ARHGEF1: variants seen among roughly 807,000 people sequenced by gnomAD.
The protein encoded by ARHGEF1 is Rho guanine nucleotide exchange factor 1.
ARHGEF1 carries 40 observed loss-of-function variants against 119.7 expected under a neutral mutation model. That is an observed-to-expected ratio of 0.33 (90% CI 0.26 to 0.44). The LOEUF is 0.44. Among genes scored for constraint, ARHGEF1 ranks in the 20% least tolerant of loss-of-function variants. ARHGEF1 has a pLI of 1.00. For missense variants in ARHGEF1, 976 were observed against 1,268.3 expected (o/e 0.77, Z 3.50); for synonymous variants, 494 against 521.0 (o/e 0.95, Z 0.71).
At chr19:41,890,982 G>A (rs2074368019) in intron 4 of ARHGEF1, among the ~76,000 whole-genome samples, 1 of 152,132 alleles carries the variant, frequency 6.6e-6, no homozygotes, top group Non-Finnish European at 1.5e-5. Flanking sequence ...TCCCAGATGA[G>A]AGCCCCCAGG....
rs1555849942 is a variant in ARHGEF1 at position 41,905,501 on chromosome 19, GTGCA to G, written c.2336+244_2336+247del. On this transcript the variant is annotated intron_variant, in intron 24 of 28. Coordinates refer to ENST00000354532, the MANE Select transcript of ARHGEF1 (RefSeq NM_004706.4). The surrounding 1 kb of genome is among the most constrained non-coding windows in gnomAD (Gnocchi z 6.4). ...GTATGGTGTGTGTGTATGCATATGT[GTGCA>G]TGCGTGTGACAGCATGTGCATGCAT... The G allele has an allele frequency of 1.6e-6, 1 of 612,080 alleles. No homozygotes were observed. Among genetic ancestry groups the G allele is most frequent in the Admixed American group, 2.9e-5 (1 of 34,084 alleles). 37.9% of individuals were successfully genotyped at this position (612,080 alleles called of 1,614,324 possible).
chr19:41,912,458 CGTCT>C (rs1555851348), intron 18 of ARHGEF1, among the ~76,000 whole-genome samples: 1 of 152,208 alleles, frequency 6.6e-6, no homozygotes, highest in Non-Finnish European at 1.5e-5. Flanking sequence ...TGGGCAGTGC[CGTCT>C]GTCTACCTGT....
At position 41,906,785 on chromosome 19, in the gene ARHGEF1, G is replaced by GCCTCCCC; in HGVS notation, c.2738_2739insCCTCCCC (p.Ter913CysfsTer112). ...TCTGTCCCCCAGCCTGGCTGCACTT[G>GCCTCCCC]AGGTTCCCGCCCAGGAAGGTGAGTG... On this transcript the variant is annotated frameshift_variant and stop_lost, in exon 28 of 29. Coordinates refer to ENST00000354532, the MANE Select transcript of ARHGEF1 (RefSeq NM_004706.4). LOFTEE classifies it high-confidence loss of function. This position sits in a 1 kb window ranked among gnomAD's most constrained non-coding sequence, Gnocchi z 4.5. The GCCTCCCC allele has an allele frequency of 6.2e-7, 1 of 1,610,524 alleles. No homozygotes were observed. The highest frequency in any genetic ancestry group is 8.5e-7 in the Non-Finnish European group (1 of 1,178,462).
exon 3 of ARHGEF1, chr19:41,930,105 G>A (rs549936745): frequency 2.6e-5 from 4 of 152,346 alleles, no homozygotes; most frequent in South Asian, 2.1e-4. Context: ...TGCTGCTTCC[G>A]AATAATCTCA....
chr19:41,924,917 C>G (rs1555853093), intron 1 of ARHGEF1, among the ~76,000 whole-genome samples: 1 of 152,058 alleles, frequency 6.6e-6, no homozygotes, highest in Admixed American at 6.5e-5. Context: ...GCTGCAGGGA[C>G]AGGTATCAAA....
Position 41,903,820 on chromosome 19 carries a change from ACTC to A in ARHGEF1, c.1917+39_1917+41del, listed in dbSNP as rs1555849542. The A allele has an allele frequency of 6.3e-7, 1 of 1,581,240 alleles. No homozygotes were observed. The highest frequency in any genetic ancestry group is 1.1e-5 in the South Asian group (1 of 90,128). On this transcript the variant is annotated intron_variant, in intron 20 of 28. Coordinates refer to ENST00000354532, the MANE Select transcript of ARHGEF1 (RefSeq NM_004706.4). The surrounding 1 kb of genome is among the most constrained non-coding windows in gnomAD (Gnocchi z 4.2). ...ACCCTCCTGCCTCCCCCGCCCCCCT[ACTC>A]CTTGGCCCAGGGGATTCTGTGATAC...
At chr19:41,897,054 G>A in intron 13 of ARHGEF1, 1 of 418,852 alleles carries the variant, frequency 2.4e-6, no homozygotes, top group South Asian at 1.6e-5. Flanking sequence ...CATTTTTTCA[G>A]CCCTTCCTCC....
chr19:41,903,031 C>G lies in ARHGEF1; in HGVS notation c.1738+133C>G. 2.6e-6 allele frequency: 2 copies of G among 775,570 alleles called. No individual in the cohort carries two copies. The highest frequency in any genetic ancestry group is 4.0e-6 in the Non-Finnish European group (2 of 495,596). The allele number at this position is 775,570 out of a possible 1,614,324, so 48.0% of individuals were successfully genotyped here. A position where few individuals can be genotyped will look rare whatever the true frequency, so the allele number is the denominator to read the frequency against. ...CCTCCCAGGATCTACCATCCTCCCA[C>G]CTCAGCTCCCCAAGTAGCTGGGACC... On this transcript the variant is annotated intron_variant, in intron 18 of 28. Coordinates refer to ENST00000354532, the MANE Select transcript of ARHGEF1 (RefSeq NM_004706.4). This position sits in a 1 kb window ranked among gnomAD's most constrained non-coding sequence, Gnocchi z 4.2.
At position 41,907,153 on chromosome 19, in the gene ARHGEF1, C is replaced by T; in HGVS notation, c.*66C>T. The T allele has an allele frequency of 6.5e-7, 1 of 1,531,796 alleles. No homozygotes were observed. Among genetic ancestry groups the T allele is most frequent in the Non-Finnish European group, 8.7e-7 (1 of 1,144,922 alleles). The allele number at this position is 1,531,796 out of a possible 1,614,324, so 94.9% of individuals were successfully genotyped here. ...TGGGGGAGAGGACGTGAGGGACCACCCCCACCCACACAGCTGCCGCAGCAT... is the reference window on the plus strand; with the variant it reads ...TGGGGGAGAGGACGTGAGGGACCACTCCCACCCACACAGCTGCCGCAGCAT... On this transcript the variant is annotated 3_prime_UTR_variant, in exon 29 of 29. Transcript: ENST00000354532.
intron 1 of ARHGEF1, chr19:41,884,579 C>G (rs2074265419): frequency 6.5e-7 from 1 of 1,541,838 alleles, no homozygotes; most frequent in Non-Finnish European, 8.8e-7. Flanking sequence ...TGCCACGTCC[C>G]CCGTAGGATT....
intron 1 of ARHGEF1, chr19:41,928,592 AGGCGGCGGCGGCGGCGC>A: frequency 5.5e-6 from 1 of 181,602 alleles, no homozygotes; most frequent in South Asian, 8.1e-5. Context: ...AGATATATGG[AGGCGGCGGCGGCGGCGC>A]GGGGGAGGGG....
chr19:41,906,631 ACGGGCCAGGGG>A lies in ARHGEF1; in HGVS notation c.2655+12_2655+22del. The stretch of plus-strand genomic sequence containing the variant: ...ATGAAGCAGCTGGAGGTGGGGCGGG[ACGGGCCAGGGG>A]TGCCCTGAGTGGGCTGGGGAAGGAA... On this transcript the variant is annotated intron_variant, in intron 27 of 28. Coordinates refer to ENST00000354532, the MANE Select transcript of ARHGEF1 (RefSeq NM_004706.4). The surrounding 1 kb of genome is among the most constrained non-coding windows in gnomAD (Gnocchi z 4.5). 1 of 1,601,966 alleles carries A rather than the reference ACGGGCCAGGGG, an allele frequency of 6.2e-7. No homozygotes were observed.
Position 41,888,770 on chromosome 19 carries a change from A to G in ARHGEF1, c.130A>G (p.Ser44Gly). 1.2e-6 allele frequency: 2 copies of G among 1,614,186 alleles called. No homozygotes were observed. The highest frequency in any genetic ancestry group is 8.5e-7 in the Non-Finnish European group (1 of 1,180,026). ...ELETNSEEQN[S>G]QFQSLEQVKR... ...CCCCCAGAACTCAGAAGAGCAAAAC[A>G]GCCAGTTCCAGAGCCTGGAGCAGGT... Residue 44 changes from serine (S) to glycine (G), a missense_variant, in exon 4 of 29, where the codon AGC becomes GGC. By Grantham distance (56) the Ser-to-Gly change is moderately conservative. Transcript: ENST00000354532. The surrounding 1 kb of genome is among the most constrained non-coding windows in gnomAD (Gnocchi z 5.1).
intron 1 of ARHGEF1, among the ~76,000 whole-genome samples, chr19:41,885,758 C>T (rs1404286948): frequency 1.3e-5 from 2 of 151,016 alleles, no homozygotes; most frequent in Non-Finnish European, 2.9e-5. Context: ...CCGTGCCTAG[C>T]CTATTTTATT....
rs373754668 is a variant in ARHGEF1, at chr19:41,895,406, G to A, written c.935G>A (p.Arg312Gln). ...KGGVGMPSRDRNIGAPGQDTP... is the reference protein window; with the variant it reads ...KGGVGMPSRDQNIGAPGQDTP... The stretch of plus-strand genomic sequence containing the variant: ...GGCGTGGGGATGCCCTCTCGGGACC[G>A]GAATATCGGGGCTCCTGGGCAGGAC... Residue 312 changes from arginine to glutamine, a missense_variant, in exon 12 of 29, where the codon CGG (arginine) becomes CAG (glutamine). By Grantham distance (43) the Arg-to-Gln change is conservative. Coordinates refer to ENST00000354532, the MANE Select transcript of ARHGEF1 (RefSeq NM_004706.4). 5.6e-6 allele frequency: 9 copies of A among 1,612,496 alleles called. No individual in the cohort carries two copies. The highest frequency in any genetic ancestry group is 1.1e-5 in the South Asian group (1 of 91,074).
chr19:41,911,272 C>T (rs782008242), downstream of ARHGEF1, among the ~76,000 whole-genome samples: 1 of 152,200 alleles, frequency 6.6e-6, no homozygotes, highest in Admixed American at 6.5e-5. Context: ...CTGGGTCCAA[C>T]TTCTGTGTTC....
At chr19:41,921,868 C>T (rs1555852519), upstream of ARHGEF1, among the ~76,000 whole-genome samples, 1 of 151,642 alleles carries the variant, frequency 6.6e-6, no homozygotes, top group Non-Finnish European at 1.5e-5. The surrounding 1 kb of genome is among the most constrained non-coding windows in gnomAD (Gnocchi z 4.4). Context: ...AGCTTCAAAG[C>T]CCACCCTACC....
At chr19:41,894,109 G>C (rs1429853729) in intron 8 of ARHGEF1, 98 bp from the exon 9 acceptor site, 4 of 798,430 alleles carry the variant, frequency 5.0e-6, no homozygotes, top group Admixed American at 7.7e-5. Flanking sequence ...CTGCCTCTAG[G>C]GGGAGAGAGA....
At chr19:41,929,530 CCTCA>C (rs2074892794) in intron 2 of ARHGEF1, 1 of 155,404 alleles carries the variant, frequency 6.4e-6, no homozygotes, top group African/African-American at 2.4e-5. Flanking sequence ...TGACCCTCAC[CCTCA>C]CTGTCTACCC....
Sources: allele counts gnomAD v4.1 joint callset (sites outside exome capture counted in the v4.1 genomes callset), GRCh38; gene constraint gnomAD v4.1.1; non-coding constraint Gnocchi (gnomAD v3.1); transcripts MANE v1.5; gene names NCBI Gene and HGNC (gene_info 2026-07-23, HGNC 2026-07-21).